CYP7B1: variants seen among roughly 807,000 people sequenced by gnomAD.
CYP7B1 encodes the protein cytochrome P450 family 7 subfamily B member 1, also known as cytochrome P450 7B1.
CYP7B1 carries 29 observed loss-of-function variants against 42.7 expected under a neutral mutation model. That is an observed-to-expected ratio of 0.68 (90% CI 0.51 to 0.93). CYP7B1 has a LOEUF of 0.93. CYP7B1 is among the 40% of genes least tolerant of loss of function. CYP7B1 has a pLI of 0.00. For synonymous variants in CYP7B1, 235 were observed against 218.2 expected (o/e 1.08, Z -0.68); for missense variants, 655 against 600.5 (o/e 1.09, Z -0.95).
chr8:64,700,174 A>G (rs1418425600), intron 1 of CYP7B1, among the ~76,000 whole-genome samples: 1 of 152,156 alleles, frequency 6.6e-6, no homozygotes, highest in Non-Finnish European at 1.5e-5. Flanking sequence ...CACTTAAAAG[A>G]GCAATCAAAC....
intron 1 of CYP7B1, among the ~76,000 whole-genome samples, chr8:64,668,250 C>T (rs189471508): frequency 6.6e-6 from 1 of 152,076 alleles, no homozygotes; most frequent in South Asian, 2.1e-4. Context: ...ATCACTCACA[C>T]GCTATTGAAA....
At chr8:64,654,609 T>C (rs929615905) in intron 1 of CYP7B1, among the ~76,000 whole-genome samples, 1 of 152,218 alleles carries the variant, frequency 6.6e-6, no homozygotes, top group Non-Finnish European at 1.5e-5. Context: ...AAGCAATCTA[T>C]AGATTCAATG....
At chr8:64,756,587 G>A (rs989907150) in intron 1 of CYP7B1, among the ~76,000 whole-genome samples, 3 of 152,292 alleles carry the variant, frequency 2.0e-5, no homozygotes, top group Non-Finnish European at 2.9e-5. Flanking sequence ...AAGGCACGGC[G>A]AGAAGATTCT....
intron 1 of CYP7B1, among the ~76,000 whole-genome samples, chr8:64,630,107 T>C (rs984197075): frequency 1.3e-5 from 2 of 152,086 alleles, no homozygotes; most frequent in African/African-American, 2.4e-5. Context: ...AGAGGACCAA[T>C]AGGAACATTT....
In CYP7B1 at chr8:64,596,792, C is replaced by T. The variant is rs771055759; in HGVS notation, c.1371G>A (p.Met457Ile). The change falls in exon 6 of 6, where the codon ATG becomes ATA. Residue 457 changes from methionine (M) to isoleucine (I), a missense_variant. Physicochemically the swap from Met to Ile is conservative, Grantham distance 10. Transcript: ENST00000310193. ...GTATAACCAACAATTGTTTTATTTCCATAAGTGCAAAAAATCGGCCTGGAC... is the reference window on the plus strand; with the variant it reads ...GTATAACCAACAATTGTTTTATTTCTATAAGTGCAAAAAATCGGCCTGGAC... ...SKCPGRFFAL[M>I]EIKQLLVILL... 59 of 1,613,850 alleles carry T rather than the reference C, an allele frequency of 3.7e-5. No individual in the cohort carries two copies. The Admixed American group carries it at 8.2e-4, about 22-fold the overall frequency.
intron 1 of CYP7B1, among the ~76,000 whole-genome samples, chr8:64,746,482 C>T (rs1349408761): frequency 6.6e-6 from 1 of 152,156 alleles, no homozygotes; most frequent in African/African-American, 2.4e-5. Flanking sequence ...GTTGCAATGA[C>T]TGTGAAGACT....
chr8:64,654,991 C>A (rs1240058465), intron 1 of CYP7B1, among the ~76,000 whole-genome samples: 1 of 152,092 alleles, frequency 6.6e-6, no homozygotes, highest in Non-Finnish European at 1.5e-5. Flanking sequence ...GAAGCTGGAC[C>A]CCTTTTTTAC....
At chr8:64,798,341 T>C (rs1393338547) in intron 1 of CYP7B1, 125 bp downstream of exon 1, 20 of 1,333,404 alleles carry the variant, frequency 1.5e-5, no homozygotes, top group African/African-American at 3.1e-5. Flanking sequence ...AGGAAGCCAG[T>C]ACCCCGCAGC....
chr8:64,677,611 T>C (rs1003039690), intron 1 of CYP7B1, among the ~76,000 whole-genome samples: 8 of 148,648 alleles, frequency 5.4e-5, no homozygotes, highest in African/African-American at 1.5e-4. Context: ...AAATCTAATC[T>C]AAAATCACTG....
chr8:64,764,929 G>A (rs1041622977), intron 1 of CYP7B1, among the ~76,000 whole-genome samples: 1 of 150,580 alleles, frequency 6.6e-6, no homozygotes, highest in Admixed American at 6.6e-5. Flanking sequence ...ACAAAGTTCC[G>A]ACCAGACCTA....
chr8:64,754,319 T>C (rs1341827973), intron 1 of CYP7B1, among the ~76,000 whole-genome samples: 2 of 152,154 alleles, frequency 1.3e-5, no homozygotes, highest in African/African-American at 2.4e-5. Flanking sequence ...ATTTTTAGTA[T>C]TGAAATATTT....
intron 1 of CYP7B1, among the ~76,000 whole-genome samples, chr8:64,762,152 T>C (rs998646130): frequency 6.6e-6 from 1 of 152,220 alleles, no homozygotes; most frequent in African/African-American, 2.4e-5. Context: ...AAACCTACTA[T>C]AGTAGCTTTT....
At chr8:64,749,723 C>G (rs775931176) in intron 1 of CYP7B1, among the ~76,000 whole-genome samples, 2 of 152,094 alleles carry the variant, frequency 1.3e-5, no homozygotes, top group Non-Finnish European at 2.9e-5. Flanking sequence ...GAGTTTGTTT[C>G]CTGCACCAGA....
intron 1 of CYP7B1, among the ~76,000 whole-genome samples, chr8:64,770,316 T>C (rs965214899): frequency 2.6e-5 from 4 of 152,032 alleles, no homozygotes; most frequent in African/African-American, 4.8e-5. Context: ...GATCTTAGAG[T>C]TCCCAGAAAA....
At chr8:64,636,680 C>T (rs1805777684) in intron 1 of CYP7B1, among the ~76,000 whole-genome samples, 2 of 152,248 alleles carry the variant, frequency 1.3e-5, no homozygotes, top group Middle Eastern at 3.4e-3. Context: ...GAATAACCTG[C>T]CTGCTCTGAA....
intron 1 of CYP7B1, among the ~76,000 whole-genome samples, chr8:64,660,954 A>G (rs1486620484): frequency 1.3e-5 from 2 of 152,236 alleles, no homozygotes; most frequent in Non-Finnish European, 1.5e-5. Context: ...GTTAACCTGG[A>G]AAGTATAGTA....
intron 4 of CYP7B1, among the ~76,000 whole-genome samples, chr8:64,608,189 T>C (rs1468852712): frequency 2.6e-5 from 4 of 152,152 alleles, no homozygotes; most frequent in African/African-American, 4.8e-5. Context: ...ACAACACAAT[T>C]GTGAAGAAAA....
At position 64,615,050 on chromosome 8, in the gene CYP7B1, G is replaced by C; in HGVS notation, c.1033C>G (p.Gln345Glu). The C allele has an allele frequency of 6.2e-7, 1 of 1,613,616 alleles. No homozygotes were observed. Among genetic ancestry groups the C allele is most frequent in the East Asian group, 2.2e-5 (1 of 44,866 alleles). The change falls in exon 4 of 6, where the codon CAA becomes GAA. Residue 345 changes from glutamine to glutamate, a missense_variant. Physicochemically the swap from Gln to Glu is conservative, Grantham distance 29. Coordinates refer to ENST00000310193, the MANE Select transcript of CYP7B1 (RefSeq NM_004820.5). ...CCTAGGCAGATTAGGCTGTCCAATT[G>C]TTCTCTGGTGAGGTGGATGGGAAAT... ...SGFPIHLTRE[Q>E]LDSLICLESS... is the part of the protein sequence containing the mutation.
chr8:64,707,631 G>A (rs1004302883), intron 1 of CYP7B1, among the ~76,000 whole-genome samples: 2 of 151,994 alleles, frequency 1.3e-5, no homozygotes, highest in Admixed American at 6.6e-5. Context: ...TGGGTAGTCA[G>A]TTATCACCAA....
Sources: gnomAD v4.1 joint callset for allele counts (sites outside exome capture counted in the v4.1 genomes callset) on GRCh38, gnomAD v4.1.1 for gene constraint, MANE v1.5 for transcripts, NCBI Gene and HGNC (gene_info 2026-07-23, HGNC 2026-07-21) for gene names.